The following CASQ2 variants were observed in gnomAD, a reference collection of about 807,000 sequenced individuals.
The protein encoded by CASQ2 is calsequestrin 2.
Under a neutral mutation model 46.5 loss-of-function variants are expected in CASQ2, and 49 were observed. That is an observed-to-expected ratio of 1.05 (90% confidence interval 0.84 to 1.34). The LOEUF (loss-of-function observed/expected upper bound fraction) is 1.34, where lower values mean the gene tolerates loss of function less well. Among genes scored for constraint, CASQ2 ranks in the 40% most tolerant of loss-of-function variants. The pLI, the probability that CASQ2 is intolerant of heterozygous loss-of-function variation, is 0.00. For synonymous variants in CASQ2, 174 were observed against 168.5 expected, an observed-to-expected ratio of 1.03 and a Z score of -0.25; for missense variants, 486 against 481.3, an observed-to-expected ratio of 1.01 and a Z score of -0.09.
intron 5 of CASQ2, among the ~76,000 whole-genome samples, chr1:115,731,126 G>T (rs1647767250): frequency 6.6e-6 from 1 of 152,086 alleles, no homozygotes; most frequent in African/African-American, 2.4e-5. Context: ...ATCCAACAAG[G>T]CTACATGAAC....
At chr1:115,743,916 C>G (rs1475094256) in intron 2 of CASQ2, among the ~76,000 whole-genome samples, 1 of 151,382 alleles carries the variant, frequency 6.6e-6, no homozygotes, top group Non-Finnish European at 1.5e-5. Context: ...GCAGGCAGAT[C>G]ATTCAAGATC....
rs1018003720 is a variant in CASQ2, at chr1:115,720,824, C to T, written c.784-2930G>A. ...CTTAAGGACAGGACAGCAATGTTAG[C>T]TTTTATAACCTCATTGTTTAGCACA... On this transcript the variant is annotated intron_variant, in intron 7 of 10. Transcript: ENST00000261448. Among the ~76,000 whole-genome samples the T allele has an allele frequency of 3.9e-5, 6 of 152,276 alleles. No individual in the cohort carries two copies. The East Asian group carries it at 5.8e-4, about 15-fold the overall frequency.
At chr1:115,718,194 T>A (rs574425460) in intron 7 of CASQ2, among the ~76,000 whole-genome samples, 1 of 152,232 alleles carries the variant, frequency 6.6e-6, no homozygotes, top group South Asian at 2.1e-4. Context: ...ACTCCTGTGG[T>A]CTGGTGGTTC....
intron 3 of CASQ2, among the ~76,000 whole-genome samples, chr1:115,739,888 C>T (rs897283497): frequency 6.6e-6 from 1 of 152,248 alleles, no homozygotes; most frequent in Non-Finnish European, 1.5e-5. Context: ...CAGCACCATG[C>T]TGTCCCAGAG....
At position 115,725,557 on chromosome 1, in the gene CASQ2, GAAAAAAAAAAAA is replaced by G. The variant is rs56889721; in HGVS notation, c.738-16_738-5del. 7 of 1,402,878 alleles carry G rather than the reference GAAAAAAAAAAAA, an allele frequency of 5.0e-6. No homozygotes were observed. Among genetic ancestry groups the G allele is most frequent in the Admixed American group, 4.7e-5 (2 of 42,136 alleles). The allele number at this position is 1,402,878 out of a possible 1,614,324, so 86.9% of individuals were successfully genotyped here. On this transcript the variant is annotated splice_region_variant and splice_polypyrimidine_tract_variant and intron_variant, in intron 6 of 10. Coordinates refer to ENST00000261448, the MANE Select transcript of CASQ2 (RefSeq NM_001232.4). ...GCGCAGGCGACGTAGAGTGGGTCTG[GAAAAAAAAAAAA>G]AAAAAAAAAAAGAAAGAGCTTCCTT...
intron 3 of CASQ2, among the ~76,000 whole-genome samples, chr1:115,739,866 A>G (rs752880039): frequency 6.6e-6 from 1 of 152,208 alleles, no homozygotes; most frequent in Non-Finnish European, 1.5e-5. Context: ...CCCCTAGCTG[A>G]TAAAGCTGGG....
intron 4 of CASQ2, among the ~76,000 whole-genome samples, chr1:115,734,119 T>C (rs1278143707): frequency 1.3e-5 from 2 of 152,298 alleles, no homozygotes; most frequent in East Asian, 1.9e-4. Context: ...CACTAACTTG[T>C]CCTCATAAAA....
Position 115,744,877 on chromosome 1 carries a change from G to A in CASQ2, c.270C>T (p.Gly90=), listed in dbSNP as rs72554056. 6 of 1,613,610 alleles carry A rather than the reference G, an allele frequency of 3.7e-6. No homozygotes were observed. Among genetic ancestry groups the A allele is most frequent in the Non-Finnish European group, 5.1e-6 (6 of 1,179,830 alleles). ...CTTTCTTGGCATCCACCATCACAAA[G>A]CCTATAGCTTTATGTTCAAGGACCT... ...VAQVLEHKAI[G]FVMVDAKKEA... The change falls in exon 2 of 11, where the codon GGC becomes GGT. Residue 90 remains glycine (G), a synonymous_variant. Coordinates refer to ENST00000261448, the MANE Select transcript of CASQ2 (RefSeq NM_001232.4).
At chr1:115,703,790 T>A (rs1274669322) in intron 9 of CASQ2, among the ~76,000 whole-genome samples, 2 of 152,030 alleles carry the variant, frequency 1.3e-5, no homozygotes, top group African/African-American at 2.4e-5. Context: ...CACATTTCTA[T>A]AGTCCCAACT....
Position 115,761,439 on chromosome 1 carries a change from A to AAGAAGAAGAAGAAGAAG in CASQ2, c.234+6868_234+6869insCTTCTTCTTCTTCTTCT, listed in dbSNP as rs796782557. On this transcript the variant is annotated intron_variant, in intron 1 of 10. Coordinates refer to ENST00000261448, the MANE Select transcript of CASQ2 (RefSeq NM_001232.4). ...GAAGAAGAAGAAGAAGAAGAAGAAG[A>AAGAAGAAGAAGAAGAAG]AAGAAGAAGAAGAAGAAGAAGAAGG... is the stretch of plus-strand genomic sequence containing the variant. Among the ~76,000 whole-genome samples the AAGAAGAAGAAGAAGAAG allele has an allele frequency of 7.2e-4, 4 of 5,536 alleles. 1 individual carries two copies. Among genetic ancestry groups the AAGAAGAAGAAGAAGAAG allele is most frequent in the Admixed American group, 4.1e-3 (2 of 484 alleles). The allele number at this position is 5,536 out of a possible 152,430, so 3.6% of individuals were successfully genotyped here.
chr1:115,738,196 G>T, intron 4 of CASQ2, 28 bp downstream of exon 4: 1 of 1,351,652 alleles, frequency 7.4e-7, no homozygotes, highest in Non-Finnish European at 1.1e-6. Flanking sequence ...CTTTTAGACT[G>T]ATCGGCTGGG....
At chr1:115,722,328 C>A (rs1026655763) in intron 7 of CASQ2, among the ~76,000 whole-genome samples, 1 of 152,170 alleles carries the variant, frequency 6.6e-6, no homozygotes, top group African/African-American at 2.4e-5. Context: ...TATATTATAG[C>A]AAAAGGCTGT....
chr1:115,743,462 T>C lies in CASQ2; in HGVS notation c.319+1366A>G, dbSNP rs1648266416. Among the ~76,000 whole-genome samples the C allele has an allele frequency of 2.0e-5, 3 of 152,178 alleles. No individual in the cohort carries two copies. In the South Asian group the frequency reaches 6.2e-4, roughly 31 times the overall value. ...TTTTTCTATGTTGCCCAAGCTGGTC[T>C]CAAACTCCTGGGCTCAAGCAATCCT... is the stretch of plus-strand genomic sequence containing the variant. On this transcript the variant is annotated intron_variant, in intron 2 of 10. Coordinates refer to ENST00000261448, the MANE Select transcript of CASQ2 (RefSeq NM_001232.4).
intron 8 of CASQ2, among the ~76,000 whole-genome samples, chr1:115,713,455 C>T (rs1654608766): frequency 6.6e-6 from 1 of 152,168 alleles, no homozygotes; most frequent in African/African-American, 2.4e-5. Flanking sequence ...GACTCTGCCT[C>T]CTGGCAGGTG....
At chr1:115,759,624 CAGTA>C (rs1648872755) in intron 1 of CASQ2, among the ~76,000 whole-genome samples, 1 of 152,140 alleles carries the variant, frequency 6.6e-6, no homozygotes, top group African/African-American at 2.4e-5. Context: ...CAGACTTAGA[CAGTA>C]AGTAAGTAAG....
intron 1 of CASQ2, among the ~76,000 whole-genome samples, chr1:115,766,244 G>A (rs930866957): frequency 3.3e-5 from 5 of 152,206 alleles, no homozygotes; most frequent in Admixed American, 1.3e-4. Flanking sequence ...CCCCTTGGGC[G>A]TTTTCGCACT....
At chr1:115,740,635 G>C in intron 3 of CASQ2, 93 bp downstream of exon 3, 2 of 839,296 alleles carry the variant, frequency 2.4e-6, no homozygotes, top group Admixed American at 3.8e-5. Flanking sequence ...GATGAGGCCA[G>C]GTTCTCCAGC....
intron 1 of CASQ2, among the ~76,000 whole-genome samples, chr1:115,755,246 T>C (rs888798468): frequency 6.6e-6 from 1 of 152,232 alleles, no homozygotes; most frequent in Admixed American, 6.5e-5. Flanking sequence ...GGCAAGGCCA[T>C]GCCCTTTACC....
intron 8 of CASQ2, among the ~76,000 whole-genome samples, chr1:115,717,546 A>G (rs2101068478): frequency 6.6e-6 from 1 of 152,306 alleles, no homozygotes; most frequent in Middle Eastern, 3.4e-3. Flanking sequence ...CCTTGCGATT[A>G]TTAAACTCTT....
Sources: gnomAD v4.1 joint callset for allele counts (sites outside exome capture counted in the v4.1 genomes callset) on GRCh38, gnomAD v4.1.1 for gene constraint, MANE v1.5 for transcripts, NCBI Gene and HGNC (gene_info 2026-07-23, HGNC 2026-07-21) for gene names.